Variants in KHDRBS2 observed in about 807,000 individuals in gnomAD.
KHDRBS2 encodes KH domain-containing, RNA-binding, signal transduction-associated protein 2.
KHDRBS2 carries 26 observed loss-of-function variants against 44.3 expected under a neutral mutation model. The ratio of observed to expected loss-of-function variants is 0.59; its 90% CI spans 0.43 to 0.81. The LOEUF (loss-of-function observed/expected upper bound fraction) is 0.81. KHDRBS2 is among the 40% of genes least tolerant of loss of function. The probability of loss-of-function intolerance (pLI) is 0.00; values close to 1 mark genes in which losing one functional copy is unlikely to be tolerated. For missense variants in KHDRBS2, 476 were observed against 433.1 expected, an observed-to-expected ratio of 1.10 and a Z score of -0.88; for synonymous variants, 194 against 151.1, an observed-to-expected ratio of 1.28 and a Z score of -2.08.
chr6:62,220,928 ATAAAT>A (rs1442225103), intron 1 of KHDRBS2, among the ~76,000 whole-genome samples: 2 of 151,992 alleles, frequency 1.3e-5, no homozygotes, highest in Non-Finnish European at 2.9e-5. Flanking sequence ...TATAAAGGAC[ATAAAT>A]TAATCATATG....
chr6:61,860,319 G>C (rs1796735514), intron 6 of KHDRBS2, among the ~76,000 whole-genome samples: 1 of 151,720 alleles, frequency 6.6e-6, no homozygotes, highest in Non-Finnish European at 1.5e-5. Flanking sequence ...TCATCACCCA[G>C]GTATTAAGCC....
At chr6:62,065,479 T>C (rs556792980) in intron 2 of KHDRBS2, among the ~76,000 whole-genome samples, 1 of 151,922 alleles carries the variant, frequency 6.6e-6, no homozygotes, top group Non-Finnish European at 1.5e-5. Context: ...TCATATCCTT[T>C]GTAGGGACAT....
intron 2 of KHDRBS2, among the ~76,000 whole-genome samples, chr6:62,143,463 G>A (rs1813281901): frequency 6.6e-6 from 1 of 151,898 alleles, no homozygotes; most frequent in Non-Finnish European, 1.5e-5. Flanking sequence ...GCATTGGGCT[G>A]CAATATCTCT....
chr6:62,167,053 G>T (rs187465410), intron 2 of KHDRBS2, among the ~76,000 whole-genome samples: 149 of 152,130 alleles, frequency 9.8e-4, no homozygotes, highest in African/African-American at 3.6e-3. Flanking sequence ...CATTTTAATG[G>T]TCCTTTTGAA....
intron 2 of KHDRBS2, among the ~76,000 whole-genome samples, chr6:62,169,776 G>A (rs1166343067): frequency 7.9e-5 from 12 of 151,968 alleles, no homozygotes; most frequent in Non-Finnish European, 1.5e-4. Flanking sequence ...TTTTGGCAAA[G>A]GTAAGTCTCA....
chr6:61,647,558 A>T, the KHDRBS2 span, among the ~76,000 whole-genome samples: 3 of 152,308 alleles, frequency 2.0e-5, no homozygotes, highest in African/African-American at 7.2e-5. Context: ...AAAATAGATT[A>T]TAAGATGCAC....
chr6:61,624,089 T>C, the KHDRBS2 span, among the ~76,000 whole-genome samples: 2 of 152,118 alleles, frequency 1.3e-5, no homozygotes, highest in Non-Finnish European at 1.5e-5. Flanking sequence ...CAGAAAGACA[T>C]ATGGGAGAGG....
At chr6:62,165,692 T>C (rs571427547) in intron 2 of KHDRBS2, among the ~76,000 whole-genome samples, 1 of 152,058 alleles carries the variant, frequency 6.6e-6, no homozygotes, top group African/African-American at 2.4e-5. Flanking sequence ...TTAACTATAA[T>C]AAATATATAT....
the KHDRBS2 span, among the ~76,000 whole-genome samples, chr6:61,580,018 T>G: frequency 6.6e-6 from 1 of 152,058 alleles, no homozygotes; most frequent in African/African-American, 2.4e-5. Context: ...GATCAAGCCA[T>G]CGCACTCCAG....
intron 6 of KHDRBS2, among the ~76,000 whole-genome samples, chr6:61,791,662 C>A (rs1223237923): frequency 6.6e-6 from 1 of 151,328 alleles, no homozygotes; most frequent in Non-Finnish European, 1.5e-5. Flanking sequence ...TTGCTGGATG[C>A]AGATCAAAAA....
At chr6:62,146,129 A>G (rs1813880903) in intron 2 of KHDRBS2, among the ~76,000 whole-genome samples, 1 of 151,870 alleles carries the variant, frequency 6.6e-6, no homozygotes, top group African/African-American at 2.4e-5. Flanking sequence ...TTTCATTTAC[A>G]TACATCTCCC....
At chr6:62,223,057 G>A (rs1020786607) in intron 1 of KHDRBS2, among the ~76,000 whole-genome samples, 3 of 152,192 alleles carry the variant, frequency 2.0e-5, no homozygotes, top group Non-Finnish European at 2.9e-5. Flanking sequence ...GACTCTTTGA[G>A]TGGGAGTGCC....
At chr6:62,129,902 T>C (rs6936683) in intron 2 of KHDRBS2, among the ~76,000 whole-genome samples, 77,370 of 151,918 alleles carry the variant, frequency 0.51, 20,060 homozygotes, top group Non-Finnish European at 0.55. Flanking sequence ...GGCAATGTTC[T>C]AGATGTTTAA....
At chr6:61,679,464 T>C (rs1766124783), downstream of KHDRBS2, among the ~76,000 whole-genome samples, 1 of 151,938 alleles carries the variant, frequency 6.6e-6, no homozygotes, top group African/African-American at 2.4e-5. Context: ...ACATTACTGT[T>C]GCATAGGCAA....
At chr6:62,207,726 T>C (rs1828247685) in intron 1 of KHDRBS2, among the ~76,000 whole-genome samples, 1 of 152,164 alleles carries the variant, frequency 6.6e-6, no homozygotes, top group Non-Finnish European at 1.5e-5. Flanking sequence ...GTCATCTCTA[T>C]ATTTTGAGAA....
intron 6 of KHDRBS2, among the ~76,000 whole-genome samples, chr6:61,745,006 A>T (rs1291284223): frequency 1.3e-5 from 2 of 152,122 alleles, no homozygotes; most frequent in East Asian, 3.9e-4. Flanking sequence ...TCATCTAACT[A>T]TTTTTGGTGA....
At chr6:62,149,306 T>C (rs1814597187) in intron 2 of KHDRBS2, among the ~76,000 whole-genome samples, 3 of 152,126 alleles carry the variant, frequency 2.0e-5, no homozygotes, top group Admixed American at 2.0e-4. Flanking sequence ...TGAATAATCC[T>C]ATCCCTTCAC....
chr6:61,783,013 G>C (rs974050774), intron 6 of KHDRBS2, among the ~76,000 whole-genome samples: 1 of 151,888 alleles, frequency 6.6e-6, no homozygotes, highest in Non-Finnish European at 1.5e-5. Flanking sequence ...TAGTTAAGGG[G>C]TGAGGATGTA....
intron 3 of KHDRBS2, among the ~76,000 whole-genome samples, chr6:62,009,887 G>A (rs1412602632): frequency 3.9e-5 from 6 of 152,194 alleles, no homozygotes; most frequent in Non-Finnish European, 8.8e-5. Flanking sequence ...TAGGGGCAGG[G>A]TCCTCATGTA....
Sources: gnomAD v4.1 joint callset for allele counts (sites outside exome capture counted in the v4.1 genomes callset) on GRCh38, gnomAD v4.1.1 for gene constraint, MANE v1.5 for transcripts, NCBI Gene and HGNC (gene_info 2026-07-23, HGNC 2026-07-21) for gene names.